The following AHNAK2 variants were observed in gnomAD, a reference collection of about 807,000 sequenced individuals.
AHNAK2 encodes the protein AHNAK nucleoprotein 2.
A neutral mutation model predicts 30.7 loss-of-function variants in AHNAK2; 18 were observed. The ratio of observed to expected loss-of-function variants is 0.59; its 90% CI spans 0.41 to 0.87. AHNAK2 has a LOEUF of 0.87. Ranked by LOEUF, AHNAK2 falls within the 40% of genes least tolerant of loss-of-function variation. The pLI is 0.00. For synonymous variants in AHNAK2, 3,590 were observed against 3,073.8 expected (o/e 1.17, Z -5.56); for missense variants, 8,604 against 7,373.0 (o/e 1.17, Z -6.11).
rs775412696 is a variant in AHNAK2, at chr14:104,946,271, G to A, written c.9180C>T (p.His3060=). 2 of 1,610,830 alleles carry A rather than the reference G, an allele frequency of 1.2e-6. No homozygotes were observed. The highest frequency in any genetic ancestry group is 2.2e-5 in the East Asian group (1 of 44,632). The change falls in exon 7 of 7, where the codon CAC becomes CAT. Residue 3060 remains histidine, a synonymous_variant. Transcript: ENST00000333244. The part of the protein sequence containing the change: ...HVPEGAGLKG[H]LPKLQMPSFK... ...AACTGGGCATCTGCAACTTGGGCAG[G>A]TGCCCTTTGAGGCCAGCTCCCTCGG...
chr14:104,950,227 G>T lies in AHNAK2; in HGVS notation c.5224C>A (p.Pro1742Thr). Residue 1742 changes from proline to threonine, a missense_variant, in exon 7 of 7, where the codon CCC (proline) becomes ACC (threonine). Coordinates refer to ENST00000333244, the MANE Select transcript of AHNAK2 (RefSeq NM_138420.4). The stretch of plus-strand genomic sequence containing the variant: ...TTCAAACTGGGCATCTGCACCTTGG[G>T]GAGGTGCCCTTTGAAGCCGGCTCCC... ...PEGAGFKGHL[P>T]KVQMPSLKMP... The T allele has an allele frequency of 6.3e-7, 1 of 1,585,946 alleles. No individual in the cohort carries two copies. Among genetic ancestry groups the T allele is most frequent in the South Asian group, 1.1e-5 (1 of 89,888 alleles).
chr14:104,952,106 C>T lies in AHNAK2; in HGVS notation c.3345G>A (p.Ala1115=), dbSNP rs775617021. ...GPKLDLKSPK[A]EVTAPDVEVS... ...CCTCCACATCAGGGGCTGTGACTTC[C>T]GCCTTGGGGCTTTTCAGGTCCAGCT... is the stretch of plus-strand genomic sequence containing the variant. The change falls in exon 7 of 7, where the codon GCG becomes GCA. Residue 1115 remains alanine (A), a synonymous_variant. Transcript: ENST00000333244. 1.7e-5 allele frequency: 28 copies of T among 1,612,474 alleles called. No homozygotes were observed. The highest frequency in any genetic ancestry group is 2.2e-5 in the East Asian group (1 of 44,750).
In AHNAK2 at chr14:104,941,158, CA is replaced by C. The variant is rs1897970533; in HGVS notation, c.14292del (p.Phe4764LeufsTer34). On this transcript the variant is annotated frameshift_variant, in exon 7 of 7. Coordinates refer to ENST00000333244, the MANE Select transcript of AHNAK2 (RefSeq NM_138420.4). LOFTEE classifies it low-confidence loss of function (END_TRUNC). ...TCAAGCCGGGATGATGGAAACCCAG[CA>C]AAACCCACCTTAGGCATCTGCATGG... is the stretch of plus-strand genomic sequence containing the variant. ...EPSMQMPKVGFAGFPSSRLDL... is the reference protein window; with the variant it reads ...EPSMQMPKVGXAGFPSSRLDL... 1 of 1,613,446 alleles carries C rather than the reference CA, an allele frequency of 6.2e-7. No homozygotes were observed. The highest frequency in any genetic ancestry group is 1.3e-5 in the African/African-American group (1 of 74,916).
At position 104,946,484 on chromosome 14, in the gene AHNAK2, C is replaced by T; in HGVS notation, c.8967G>A (p.Gly2989=). ...KMPKFKMPSF[G]VSAPGKSIEV... is the part of the protein sequence containing the mutation. ...CAATGGACTTGCCTGGGGCAGACAC[C>T]CCGAACGACGGCATCTTGAACTTGG... is the stretch of plus-strand genomic sequence containing the variant. The change falls in exon 7 of 7, where the codon GGG becomes GGA. Residue 2989 remains glycine, a synonymous_variant. Transcript: ENST00000333244. 1.2e-6 allele frequency: 2 copies of T among 1,612,514 alleles called. No individual in the cohort carries two copies. Among genetic ancestry groups the T allele is most frequent in the East Asian group, 2.2e-5 (1 of 44,722 alleles).
Position 104,953,621 on chromosome 14 carries a change from C to T in AHNAK2, c.1830G>A (p.Glu610=). The change falls in exon 7 of 7, where the codon GAG becomes GAA. Residue 610 remains glutamate, a synonymous_variant. Coordinates refer to ENST00000333244, the MANE Select transcript of AHNAK2 (RefSeq NM_138420.4). ...CTGTGGCCTCTCCTTCCCTTCCCTGCTCTGTGTCTTCTGTGGCTTTTTCTC... is the reference window on the plus strand; with the variant it reads ...CTGTGGCCTCTCCTTCCCTTCCCTGTTCTGTGTCTTCTGTGGCTTTTTCTC... ...TGREKATEDT[E]QGREGEATAT... The T allele has an allele frequency of 4.3e-6, 7 of 1,613,968 alleles. No individual in the cohort carries two copies. Among genetic ancestry groups the T allele is most frequent in the Non-Finnish European group, 5.1e-6 (6 of 1,179,896 alleles).
chr14:104,953,060 G>C lies in AHNAK2; in HGVS notation c.2391C>G (p.Ser797=). The C allele has an allele frequency of 1.2e-6, 2 of 1,613,344 alleles. No individual in the cohort carries two copies. Among genetic ancestry groups the C allele is most frequent in the Non-Finnish European group, 1.7e-6 (2 of 1,179,732 alleles). ...VTAPDVKMSL[S]SMEVDVQAPR... ...GGGCCTGGACGTCCACCTCCATGCT[G>C]GACAGAGACATCTTCACATCGGGGG... The change falls in exon 7 of 7, where the codon TCC becomes TCG. Residue 797 remains serine (S), a synonymous_variant. Transcript: ENST00000333244.
At position 104,949,898 on chromosome 14, in the gene AHNAK2, C is replaced by A; in HGVS notation, c.5553G>T (p.Pro1851=). The part of the protein sequence containing the change: ...SIEASVDVSA[P]KVEAEVSLPS... ...GGAGGCTCACTTCGGCCTCCACCTT[C>A]GGCGCAGACACATCCACCGAGGCCT... is the stretch of plus-strand genomic sequence containing the variant. Residue 1851 remains proline, a synonymous_variant, in exon 7 of 7, where the codon CCG becomes CCT. Coordinates refer to ENST00000333244, the MANE Select transcript of AHNAK2 (RefSeq NM_138420.4). 3 of 1,582,768 alleles carry A rather than the reference C, an allele frequency of 1.9e-6. 1 individual carries two copies. The highest frequency in any genetic ancestry group is 3.5e-5 in the Admixed American group (2 of 57,522).
At position 104,954,359 on chromosome 14, in the gene AHNAK2, A is replaced by G. The variant is rs1436032854; in HGVS notation, c.1092T>C (p.Asp364=). ...GVLEELGPWG[D]SLEETGAATG... Reference sequence around the variant, plus strand: ...TGGCAGCCCCAGTCTCCTCGAGGCTATCACCCCAGGGCCCCAACTCTTCCA... The same window carrying G: ...TGGCAGCCCCAGTCTCCTCGAGGCTGTCACCCCAGGGCCCCAACTCTTCCA... Residue 364 remains aspartate, a synonymous_variant, in exon 7 of 7, where the codon GAT becomes GAC. Transcript: ENST00000333244. This position sits in a 1 kb window ranked among gnomAD's most constrained non-coding sequence, Gnocchi z 4.3. 3 of 1,613,228 alleles carry G rather than the reference A, an allele frequency of 1.9e-6. No homozygotes were observed. The highest frequency in any genetic ancestry group is 1.7e-5 in the Admixed American group (1 of 60,024).
At chr14:104,975,566 G>A (rs147540472) in intron 1 of AHNAK2, among the ~76,000 whole-genome samples, 1 of 152,334 alleles carries the variant, frequency 6.6e-6, no homozygotes, top group African/African-American at 2.4e-5. Flanking sequence ...GCCTGGTGGG[G>A]CAGGGCAGAG....
chr14:104,957,298 C>T, intron 3 of AHNAK2, 112 bp downstream of exon 3: 1 of 1,017,350 alleles, frequency 9.8e-7, no homozygotes, highest in Non-Finnish European at 1.4e-6. Flanking sequence ...GGGCACTGCC[C>T]AGTGGGCAGC....
Position 104,938,645 on chromosome 14 carries a change from G to A in AHNAK2, c.16806C>T (p.Ser5602=), listed in dbSNP as rs1453240393. 1 of 1,612,334 alleles carries A rather than the reference G, an allele frequency of 6.2e-7. No homozygotes were observed. Among genetic ancestry groups the A allele is most frequent in the Admixed American group, 1.7e-5 (1 of 59,792 alleles). ...EVPSGHQLAD[S]CSDEEPAEIL... ...TTTCTGCTGGCTCCTCATCTGAACA[G>A]CTGTCTGCAAGCTGGTGGCCAGAAG... The change falls in exon 7 of 7, where the codon AGC becomes AGT. Residue 5602 remains serine, a synonymous_variant. Coordinates refer to ENST00000333244, the MANE Select transcript of AHNAK2 (RefSeq NM_138420.4).
In AHNAK2 at chr14:104,950,937, A is replaced by AT. The variant is rs1898661896; in HGVS notation, c.4513_4514insA (p.Val1505AspfsTer36). 6.5e-7 allele frequency: 1 copy of AT among 1,538,072 alleles called. No individual in the cohort carries two copies. Among genetic ancestry groups the AT allele is most frequent in the African/African-American group, 1.4e-5 (1 of 70,340 alleles). ...CTCGATGGACTTGCCTGGGGCAGACACCCCGAACGACGGCATCTTGAACTT... is the reference window on the plus strand; with the variant it reads ...CTCGATGGACTTGCCTGGGGCAGACATCCCCGAACGACGGCATCTTGAACTT... On this transcript the variant is annotated frameshift_variant, in exon 7 of 7. Transcript: ENST00000333244. LOFTEE classifies it low-confidence loss of function (END_TRUNC).
rs1281688777 is a variant in AHNAK2 at position 104,947,788 on chromosome 14, G to A, written c.7663C>T (p.Pro2555Ser). 2.5e-6 allele frequency: 4 copies of A among 1,612,562 alleles called. No homozygotes were observed. The highest frequency in any genetic ancestry group is 3.3e-5 in the Admixed American group (2 of 59,928). Residue 2555 changes from proline (P) to serine (S), a missense_variant, in exon 7 of 7, where the codon CCT (proline) becomes TCT (serine). Pro to Ser is a moderately conservative substitution (Grantham distance 74). Transcript: ENST00000333244. ...GQVDVKLPEG[P>S]VPEGAGLKGH... Reference sequence around the variant, plus strand: ...TTGAGGCCGGCTCCCTCCGGCACAGGGCCCTCTGGGAGTTTCACGTCCACT... The same window carrying A: ...TTGAGGCCGGCTCCCTCCGGCACAGAGCCCTCTGGGAGTTTCACGTCCACT...
chr14:104,965,826 G>C (rs956500944), intron 1 of AHNAK2, among the ~76,000 whole-genome samples: 2 of 152,228 alleles, frequency 1.3e-5, no homozygotes, highest in Non-Finnish European at 2.9e-5. Flanking sequence ...CCTCTGGCCA[G>C]TGTGCTGTGT....
In AHNAK2 at chr14:104,954,595, C is replaced by T. The variant is rs1292593179; in HGVS notation, c.856G>A (p.Glu286Lys). The T allele has an allele frequency of 3.7e-6, 6 of 1,610,128 alleles. No homozygotes were observed. Among genetic ancestry groups the T allele is most frequent in the Non-Finnish European group, 3.4e-6 (4 of 1,178,568 alleles). ...GACACGTCATGTGCGTCCCTAGGTT[C>T]GTAGGCCTCTGACGAGCTGTGTGAC... is the stretch of plus-strand genomic sequence containing the variant. ...QRSHSSSEAY[E>K]PRDAHDVSPT... Residue 286 changes from glutamate (E) to lysine (K), a missense_variant, in exon 7 of 7, where the codon GAA becomes AAA. Transcript: ENST00000333244. The surrounding 1 kb of genome is among the most constrained non-coding windows in gnomAD (Gnocchi z 4.3).
At chr14:104,957,746 G>A (rs1376565276) in intron 1 of AHNAK2, 74 bp from the exon 2 acceptor site, 1 of 1,441,856 alleles carries the variant, frequency 6.9e-7, no homozygotes, top group Non-Finnish European at 9.5e-7. Flanking sequence ...AGGGAGCCAG[G>A]ACTGTATGTA....
rs1171499613 is a variant in AHNAK2 at position 104,949,641 on chromosome 14, C to A, written c.5810G>T (p.Gly1937Val). 5 of 1,587,548 alleles carry A rather than the reference C, an allele frequency of 3.1e-6. No homozygotes were observed. The African/African-American group carries it at 5.5e-5, about 17-fold the overall frequency. The change falls in exon 7 of 7, where the codon GGC (glycine) becomes GTC (valine). Residue 1937 changes from glycine (G) to valine (V), a missense_variant. Physicochemically the swap from Gly to Val is moderately radical, Grantham distance 109 (BLOSUM62 -3). Transcript: ENST00000333244. ...GGGGGCTGTCACTTCCGCCTTGGGG[C>A]CTTTCAGGTCCAGCTTGGCGCCCTT... is the stretch of plus-strand genomic sequence containing the variant. Reference protein sequence around the residue: ...DVKGAKLDLKGPKAEVTAPDV... With the variant: ...DVKGAKLDLKVPKAEVTAPDV...
chr14:104,959,747 T>C (rs1899083746), intron 1 of AHNAK2, among the ~76,000 whole-genome samples: 1 of 152,126 alleles, frequency 6.6e-6, no homozygotes, highest in South Asian at 2.1e-4. Context: ...ACTAAAGAAG[T>C]CCTTCGGACT....
chr14:104,941,679 A>T lies in AHNAK2; in HGVS notation c.13772T>A (p.Leu4591Gln). 1 of 1,613,614 alleles carries T rather than the reference A, an allele frequency of 6.2e-7. No individual in the cohort carries two copies. The highest frequency in any genetic ancestry group is 1.3e-5 in the African/African-American group (1 of 74,974). ...CTGGACATCCGTCTCCACGCTGGGCAGAGACACCTCCACATCGGGGGCCAT... is the reference window on the plus strand; with the variant it reads ...CTGGACATCCGTCTCCACGCTGGGCTGAGACACCTCCACATCGGGGGCCAT... ...EVMAPDVEVS[L>Q]PSVETDVQAP... is the part of the protein sequence containing the mutation. The change falls in exon 7 of 7, where the codon CTG becomes CAG. Residue 4591 changes from leucine (L) to glutamine (Q), a missense_variant. By Grantham distance (113) the Leu-to-Gln change is moderately radical. Coordinates refer to ENST00000333244, the MANE Select transcript of AHNAK2 (RefSeq NM_138420.4).
Sources: gnomAD v4.1 joint callset for allele counts (sites outside exome capture counted in the v4.1 genomes callset) on GRCh38, gnomAD v4.1.1 for gene constraint, Gnocchi (gnomAD v3.1) non-coding constraint, MANE v1.5 for transcripts, NCBI Gene and HGNC (gene_info 2026-07-23, HGNC 2026-07-21) for gene names.